Variants in KCNMA1 observed in about 807,000 individuals in gnomAD.
The protein encoded by KCNMA1 is Calcium-activated potassium channel subunit alpha-1.
Under a neutral mutation model 140.0 loss-of-function variants are expected in KCNMA1, and 29 were observed. The ratio of observed to expected loss-of-function variants is 0.21; its 90% CI spans 0.15 to 0.28. The LOEUF is 0.28. Among genes scored for constraint, KCNMA1 ranks in the 10% least tolerant of loss-of-function variants. The pLI is 1.00. For missense variants in KCNMA1, 880 were observed against 1,602.2 expected (o/e 0.55, Z 7.70); for synonymous variants, 612 against 611.9 (o/e 1.00, Z 0.00).
chr10:77,537,579 T>C (rs1430078150), intron 1 of KCNMA1, among the ~76,000 whole-genome samples: 2 of 152,222 alleles, frequency 1.3e-5, no homozygotes, highest in African/African-American at 4.8e-5. Flanking sequence ...TCTCTATTTC[T>C]TCTTAGAGTT....
intron 13 of KCNMA1, among the ~76,000 whole-genome samples, chr10:77,074,712 TA>T (rs2096332277): frequency 1.3e-5 from 2 of 152,178 alleles, no homozygotes; most frequent in Non-Finnish European, 2.9e-5. Flanking sequence ...AAGGTTACCT[TA>T]AAAAATGAAA....
intron 1 of KCNMA1, among the ~76,000 whole-genome samples, chr10:77,448,150 C>T (rs181873471): frequency 6.6e-6 from 1 of 152,188 alleles, no homozygotes; most frequent in Non-Finnish European, 1.5e-5. Flanking sequence ...GACCTTGCTA[C>T]TCAAAAAGTA....
chr10:77,153,900 T>C (rs773400445), intron 5 of KCNMA1, among the ~76,000 whole-genome samples: 1 of 152,146 alleles, frequency 6.6e-6, no homozygotes, highest in Non-Finnish European at 1.5e-5. Context: ...CCAGCTCTGT[T>C]GCTTATTAAC....
chr10:77,299,039 G>A (rs2075933964), intron 2 of KCNMA1, among the ~76,000 whole-genome samples: 1 of 152,214 alleles, frequency 6.6e-6, no homozygotes, highest in Non-Finnish European at 1.5e-5. Context: ...ATGTTCACCA[G>A]TGCTGGTTTC....
intron 5 of KCNMA1, among the ~76,000 whole-genome samples, chr10:77,161,232 C>T (rs1006263163): frequency 6.6e-6 from 1 of 152,186 alleles, no homozygotes; most frequent in East Asian, 1.9e-4. Context: ...TTCATATGGA[C>T]TCACTGGTAT....
At position 76,885,079 on chromosome 10, in the gene KCNMA1, T is replaced by C. The variant is rs2036244244; in HGVS notation, c.*2187A>G. 3.2e-6 allele frequency: 5 copies of C among 1,543,056 alleles called. No individual in the cohort carries two copies. Among genetic ancestry groups the C allele is most frequent in the East Asian group, 2.5e-5 (1 of 40,652 alleles). On this transcript the variant is annotated 3_prime_UTR_variant, in exon 28 of 28. Transcript: ENST00000286628. The stretch of plus-strand genomic sequence containing the variant: ...TGCTTTTAAACTGTCATATTTCCTG[T>C]TGAGCACTTTAACTGGCACATTCTT...
At chr10:77,332,579 GGACAGCCC>G in intron 2 of KCNMA1, among the ~76,000 whole-genome samples, 1 of 33,088 alleles carries the variant, frequency 3.0e-5, no homozygotes, top group Admixed American at 3.8e-4. Context: ...GTGGCAGAAT[GGACAGCCC>G]TGCCATCTGC....
chr10:77,421,227 T>G (rs892961781), intron 1 of KCNMA1, among the ~76,000 whole-genome samples: 6 of 152,202 alleles, frequency 3.9e-5, no homozygotes, highest in Admixed American at 2.6e-4. Context: ...TGTAACAACC[T>G]TCTTCACACA....
rs571534008 is a variant in KCNMA1 at position 77,137,900 on chromosome 10, GC to G, written c.809-16853del. On this transcript the variant is annotated intron_variant, in intron 5 of 27. Coordinates refer to ENST00000286628, the MANE Select transcript of KCNMA1 (RefSeq NM_001161352.2). ...GGGCTCAAGTGATCCTCCCGCCTCAGCCCCCCAAGTAGCCAGCCACCATGCC... is the reference window on the plus strand; with the variant it reads ...GGGCTCAAGTGATCCTCCCGCCTCAGCCCCCAAGTAGCCAGCCACCATGCC... 3.8e-3 allele frequency among the ~76,000 whole-genome samples: 571 copies of G among 152,198 alleles called. 1 individual carries two copies. Among genetic ancestry groups the G allele is most frequent in the Non-Finnish European group, 4.8e-3 (327 of 67,986 alleles).
At chr10:77,145,439 T>C (rs2098271613) in intron 5 of KCNMA1, among the ~76,000 whole-genome samples, 2 of 152,220 alleles carry the variant, frequency 1.3e-5, no homozygotes, top group African/African-American at 2.4e-5. Context: ...AAAACTGTCA[T>C]AAACTGTATC....
chr10:76,912,961 T>C (rs2050971831), intron 24 of KCNMA1: 2 of 152,164 alleles, frequency 1.3e-5, no homozygotes, highest in Non-Finnish European at 2.9e-5. Context: ...CAGAAAATAG[T>C]GTGATACTCC....
intron 1 of KCNMA1, among the ~76,000 whole-genome samples, chr10:77,619,933 G>GT (rs1339126007): frequency 6.6e-6 from 1 of 152,186 alleles, no homozygotes; most frequent in Non-Finnish European, 1.5e-5. Context: ...AAGGGAAGGA[G>GT]TAGGCCATCA....
At chr10:77,075,729 C>T (rs866225019) in intron 13 of KCNMA1, among the ~76,000 whole-genome samples, 25 of 152,160 alleles carry the variant, frequency 1.6e-4, no homozygotes, top group African/African-American at 2.4e-4. Flanking sequence ...TTTTCTCCAA[C>T]GCAGGGAAGG....
At chr10:77,578,878 G>T (rs1266617114) in intron 1 of KCNMA1, among the ~76,000 whole-genome samples, 1 of 152,210 alleles carries the variant, frequency 6.6e-6, no homozygotes, top group Non-Finnish European at 1.5e-5. Context: ...CCCCACAGAG[G>T]CAGGGCCTGC....
At chr10:76,940,397 T>C (rs1050463326) in intron 23 of KCNMA1, among the ~76,000 whole-genome samples, 2 of 152,228 alleles carry the variant, frequency 1.3e-5, no homozygotes, top group Non-Finnish European at 2.9e-5. Flanking sequence ...AGCTGTCCAA[T>C]GAAGGCTCTA....
Position 76,885,271 on chromosome 10 carries a change from AAG to A in KCNMA1, c.*1993_*1994del, listed in dbSNP as rs927681281. The A allele has an allele frequency of 8.0e-5, 48 of 598,384 alleles. No individual in the cohort carries two copies. The African/African-American group carries it at 9.4e-4, about 12-fold the overall frequency. 37.1% of individuals were successfully genotyped at this position (598,384 alleles called of 1,614,324 possible). A position where few individuals can be genotyped will look rare whatever the true frequency, so the allele number is the denominator to read the frequency against. ...TATATAATTATATATAGTTTATATA[AAG>A]AGATAGTTATACATAATATAAATCA... On this transcript the variant is annotated 3_prime_UTR_variant, in exon 28 of 28. Coordinates refer to ENST00000286628, the MANE Select transcript of KCNMA1 (RefSeq NM_001161352.2).
chr10:77,252,546 T>TGTGTGC (rs1555076755), intron 2 of KCNMA1, among the ~76,000 whole-genome samples: 1 of 151,820 alleles, frequency 6.6e-6, no homozygotes, highest in Non-Finnish European at 1.5e-5. Context: ...TGTGTGTGTG[T>TGTGTGC]GTGTGTGTGT....
At chr10:77,569,873 C>A (rs1261709694) in intron 1 of KCNMA1, among the ~76,000 whole-genome samples, 2 of 152,220 alleles carry the variant, frequency 1.3e-5, no homozygotes, top group Non-Finnish European at 2.9e-5. Flanking sequence ...CTACAATGAA[C>A]TCAAACAAAT....
At chr10:76,941,022 A>AAGGAAGGAAGGAAGGAAGGAAGGAAGG in intron 23 of KCNMA1, among the ~76,000 whole-genome samples, 1 of 45,562 alleles carries the variant, frequency 2.2e-5, no homozygotes. Context: ...AGGAAGGAAG[A>AAGGAAGGAAGGAAGGAAGGAAGGAAGG]AAGAAAGAAA....
Sources: allele counts gnomAD v4.1 joint callset (sites outside exome capture counted in the v4.1 genomes callset), GRCh38; gene constraint gnomAD v4.1.1; transcripts MANE v1.5; gene names NCBI Gene and HGNC (gene_info 2026-07-23, HGNC 2026-07-21).